CHST15: variants seen among roughly 807,000 people sequenced by gnomAD.
CHST15 encodes carbohydrate sulfotransferase 15.
In CHST15, 30 loss-of-function variants were observed where a neutral mutation model predicts 53.6. That is an observed-to-expected ratio of 0.56 (90% CI 0.42 to 0.76). The LOEUF is 0.76. Ranked by LOEUF, CHST15 falls within the 30% of genes least tolerant of loss-of-function variation. CHST15 has a pLI of 0.00. For missense variants in CHST15, 627 were observed against 740.5 expected (o/e 0.85, Z 1.78); for synonymous variants, 296 against 289.8 (o/e 1.02, Z -0.22).
rs147968573 is a variant in CHST15, at chr10:124,019,817, G to A, written c.1347+1439C>T. The A allele has an allele frequency of 2.0e-5, 20 of 985,536 alleles. No individual in the cohort carries two copies. The East Asian group carries it at 5.7e-4, about 28-fold the overall frequency. The allele number at this position is 985,536 out of a possible 1,614,324, so 61.0% of individuals were successfully genotyped here. A position where few individuals can be genotyped will look rare whatever the true frequency, so the allele number is the denominator to read the frequency against. ...CTTCTGAGGCTAGACCAGGTGGTGC[G>A]GCCCCATGTGCCACGCACCCAAGCC... On this transcript the variant is annotated intron_variant, in intron 6 of 7. Transcript: ENST00000435907. This position sits in a 1 kb window ranked among gnomAD's most constrained non-coding sequence, Gnocchi z 4.6.
chr10:124,086,467 C>A (rs1949428211), intron 1 of CHST15, among the ~76,000 whole-genome samples: 1 of 152,200 alleles, frequency 6.6e-6, no homozygotes. Flanking sequence ...ACAGCCCAGC[C>A]CTGCCTTTCC....
chr10:124,031,644 T>C (rs1305526322), intron 5 of CHST15, among the ~76,000 whole-genome samples: 1 of 152,134 alleles, frequency 6.6e-6, no homozygotes, highest in African/African-American at 2.4e-5. Context: ...GGGGAGTGAG[T>C]AAATGAGTGA....
At position 124,045,112 on chromosome 10, in the gene CHST15, C is replaced by CAAAAAAAAAA. The variant is rs758243657; in HGVS notation, c.547-203_547-194dup. Among the ~76,000 whole-genome samples, 245 of 33,690 alleles carry CAAAAAAAAAA rather than the reference C, an allele frequency of 7.3e-3. 6 individuals are homozygous for CAAAAAAAAAA. Among genetic ancestry groups the CAAAAAAAAAA allele is most frequent in the Non-Finnish European group, 0.012 (181 of 14,532 alleles). 22.1% of individuals were successfully genotyped at this position (33,690 alleles called of 152,430 possible). A position where few individuals can be genotyped will look rare whatever the true frequency, so the allele number is the denominator to read the frequency against. Reference sequence around the variant, plus strand: ...TGCTTTCCTCTCCCCCGCCGCCCCACAAAAAAAAAAAAAAAAAAAAAAAAA... The same window carrying CAAAAAAAAAA: ...TGCTTTCCTCTCCCCCGCCGCCCCACAAAAAAAAAAAAAAAAAAAAAAAAAAAAAAAAAAA... On this transcript the variant is annotated intron_variant, in intron 2 of 7. Transcript: ENST00000435907.
intron 1 of CHST15, among the ~76,000 whole-genome samples, chr10:124,053,253 G>C (rs1948264004): frequency 6.6e-6 from 1 of 152,310 alleles, no homozygotes; most frequent in East Asian, 1.9e-4. Flanking sequence ...CCTTCGGTTT[G>C]AGTTGGGTGG....
At position 124,009,042 on chromosome 10, in the gene CHST15, TA is replaced by T; in HGVS notation, c.*1106del. Reference sequence around the variant, plus strand: ...GTTTTGGAATTGGGACACGAGTATCTATAGTCCCTTGCTGGGTGAGGAACTT... The same window carrying T: ...GTTTTGGAATTGGGACACGAGTATCTTAGTCCCTTGCTGGGTGAGGAACTT... On this transcript the variant is annotated 3_prime_UTR_variant, in exon 8 of 8. Transcript: ENST00000435907. 7.8e-7 allele frequency: 1 copy of T among 1,288,824 alleles called. No individual in the cohort carries two copies. The highest frequency in any genetic ancestry group is 1.0e-6 in the Non-Finnish European group (1 of 988,408). 79.8% of individuals were successfully genotyped at this position (1,288,824 alleles called of 1,614,324 possible).
intron 6 of CHST15, among the ~76,000 whole-genome samples, chr10:124,013,418 C>A (rs1946480316): frequency 6.6e-6 from 1 of 152,252 alleles, no homozygotes; most frequent in African/African-American, 2.4e-5. Flanking sequence ...GGCACTAACA[C>A]CGTCCATGAC....
chr10:124,083,383 C>T (rs1328842889), intron 1 of CHST15, among the ~76,000 whole-genome samples: 2 of 152,212 alleles, frequency 1.3e-5, no homozygotes, highest in East Asian at 3.8e-4. Flanking sequence ...ACTCAAATGG[C>T]AACTGAAGCT....
At chr10:124,066,088 T>C (rs1350425755) in intron 1 of CHST15, among the ~76,000 whole-genome samples, 1 of 152,164 alleles carries the variant, frequency 6.6e-6, no homozygotes, top group African/African-American at 2.4e-5. Context: ...TTTCCCCTCT[T>C]CTACCCTTCA....
At chr10:124,073,493 G>A (rs1948983110) in intron 1 of CHST15, among the ~76,000 whole-genome samples, 1 of 152,234 alleles carries the variant, frequency 6.6e-6, no homozygotes, top group Non-Finnish European at 1.5e-5. Flanking sequence ...TGGTTGCATA[G>A]GTGAGTTCTG....
rs749953690 is a variant in CHST15 at position 124,038,703 on chromosome 10, G to A, written c.1034-32C>T. 1.9e-6 allele frequency: 3 copies of A among 1,608,582 alleles called. No homozygotes were observed. In the East Asian group the frequency reaches 6.7e-5, roughly 36 times the overall value. ...ACAGAAAACACTCCAAGTGAGCAGG[G>A]GTGTGATTCAGGCTCCCACGGAGTG... is the stretch of plus-strand genomic sequence containing the variant. On this transcript the variant is annotated intron_variant, in intron 4 of 7. Coordinates refer to ENST00000435907, the MANE Select transcript of CHST15 (RefSeq NM_001270764.2).
At chr10:124,014,132 T>C (rs1946508933) in intron 6 of CHST15, among the ~76,000 whole-genome samples, 1 of 152,042 alleles carries the variant, frequency 6.6e-6, no homozygotes, top group South Asian at 2.1e-4. Context: ...CTCCCTGGAG[T>C]TCCCATTTTT....
At chr10:124,073,168 T>C (rs1020986780) in intron 1 of CHST15, among the ~76,000 whole-genome samples, 1 of 152,204 alleles carries the variant, frequency 6.6e-6, no homozygotes, top group Non-Finnish European at 1.5e-5. Flanking sequence ...AGAATGTTCA[T>C]TGTACTATTT....
rs1280899592 is a variant in CHST15, at chr10:124,009,731, A to T, written c.*418T>A. On this transcript the variant is annotated 3_prime_UTR_variant, in exon 8 of 8. Transcript: ENST00000435907. ...CTAGGGGGAAAAAAAGGGAACGTGA[A>T]GTGTAAGTTCCAGCCAGGCCTGTGG... The T allele has an allele frequency of 9.7e-7, 1 of 1,028,136 alleles. No homozygotes were observed. The highest frequency in any genetic ancestry group is 1.7e-5 in the African/African-American group (1 of 57,764). 63.7% of individuals were successfully genotyped at this position (1,028,136 alleles called of 1,614,324 possible). A position where few individuals can be genotyped will look rare whatever the true frequency, so the allele number is the denominator to read the frequency against.
chr10:124,014,668 T>TA (rs1237094048), intron 6 of CHST15, among the ~76,000 whole-genome samples: 1 of 152,142 alleles, frequency 6.6e-6, no homozygotes, highest in Non-Finnish European at 1.5e-5. Context: ...CCGTCCCTCG[T>TA]AGGGGAGACC....
At chr10:124,056,167 C>A (rs896753155) in intron 1 of CHST15, among the ~76,000 whole-genome samples, 1 of 152,232 alleles carries the variant, frequency 6.6e-6, no homozygotes, top group Non-Finnish European at 1.5e-5. Context: ...CTCTACCCCA[C>A]CACCCAGGCC....
chr10:124,016,008 C>T (rs1267465252), intron 6 of CHST15, among the ~76,000 whole-genome samples: 1 of 152,188 alleles, frequency 6.6e-6, no homozygotes, highest in Non-Finnish European at 1.5e-5. Flanking sequence ...CCCAGAGTTT[C>T]TGATTCAGGA....
At chr10:124,028,110 G>A (rs774544011) in intron 5 of CHST15, among the ~76,000 whole-genome samples, 2 of 152,226 alleles carry the variant, frequency 1.3e-5, no homozygotes, top group Non-Finnish European at 2.9e-5. Context: ...GGATAAACGT[G>A]AGGAACTCCA....
intron 3 of CHST15, among the ~76,000 whole-genome samples, chr10:124,043,821 C>T (rs1263894275): frequency 6.6e-6 from 1 of 152,224 alleles, no homozygotes. Context: ...CCTGAAGCAA[C>T]TCAGTCTCCC....
intron 5 of CHST15, among the ~76,000 whole-genome samples, chr10:124,028,037 T>A (rs1355559551): frequency 6.6e-6 from 1 of 152,246 alleles, no homozygotes; most frequent in East Asian, 1.9e-4. Flanking sequence ...CCAGAACTAC[T>A]TAATAAGTCA....
Sources: allele counts gnomAD v4.1 joint callset (sites outside exome capture counted in the v4.1 genomes callset), GRCh38; gene constraint gnomAD v4.1.1; non-coding constraint Gnocchi (gnomAD v3.1); transcripts MANE v1.5; gene names NCBI Gene and HGNC (gene_info 2026-07-23, HGNC 2026-07-21).